SKAP2: variants seen among roughly 807,000 people sequenced by gnomAD.
The protein encoded by SKAP2 is src kinase-associated phosphoprotein 2.
In SKAP2, 28 loss-of-function variants were observed where a neutral mutation model predicts 54.9. That is an observed-to-expected ratio of 0.51 (90% CI 0.38 to 0.70). SKAP2 has a LOEUF of 0.70. SKAP2 is among the 30% of genes least tolerant of loss of function. The pLI is 0.00. For missense variants in SKAP2, 356 were observed against 424.1 expected (o/e 0.84, Z 1.41); for synonymous variants, 137 against 134.3 (o/e 1.02, Z -0.14).
intron 4 of SKAP2, among the ~76,000 whole-genome samples, chr7:26,814,426 A>C (rs1784221952): frequency 6.6e-6 from 1 of 152,090 alleles, no homozygotes; most frequent in African/African-American, 2.4e-5. Context: ...ATCACAACCA[A>C]ATCACAGCAA....
intron 4 of SKAP2, among the ~76,000 whole-genome samples, chr7:26,766,397 T>C (rs1216946418): frequency 6.6e-6 from 1 of 152,220 alleles, no homozygotes; most frequent in Non-Finnish European, 1.5e-5. Flanking sequence ...TTTCTAAATA[T>C]ACAATCATGT....
intron 4 of SKAP2, among the ~76,000 whole-genome samples, chr7:26,817,225 G>C (rs1784284044): frequency 1.3e-5 from 2 of 152,070 alleles, no homozygotes; most frequent in African/African-American, 4.8e-5. Context: ...AGTACAGCTA[G>C]TTCACAGGAG....
chr7:26,685,856 A>G (rs1229097066), intron 10 of SKAP2, among the ~76,000 whole-genome samples: 3 of 152,182 alleles, frequency 2.0e-5, no homozygotes, highest in East Asian at 3.8e-4. Context: ...AATGCAAGTA[A>G]TATCAATAAG....
chr7:26,709,532 T>G (rs1272711647), intron 9 of SKAP2, among the ~76,000 whole-genome samples: 1 of 152,204 alleles, frequency 6.6e-6, no homozygotes, highest in African/African-American at 2.4e-5. Flanking sequence ...GTTTAAACAT[T>G]TTCCCCAAGG....
chr7:26,696,516 A>T (rs565962747), intron 9 of SKAP2, among the ~76,000 whole-genome samples: 1 of 152,174 alleles, frequency 6.6e-6, no homozygotes, highest in African/African-American at 2.4e-5. Context: ...TTCTCAGGGG[A>T]AAAAATGAAA....
chr7:26,717,471 T>C (rs941536071), intron 9 of SKAP2, among the ~76,000 whole-genome samples: 4 of 127,694 alleles, frequency 3.1e-5, no homozygotes, highest in Non-Finnish European at 4.7e-5. Context: ...GATCACATCA[T>C]TGCATTCTAG....
chr7:26,686,044 T>C (rs780847883), intron 10 of SKAP2, among the ~76,000 whole-genome samples: 8 of 152,144 alleles, frequency 5.3e-5, no homozygotes, highest in Non-Finnish European at 1.0e-4. Flanking sequence ...CCAACACAAC[T>C]AGTCAGATTA....
chr7:26,749,853 T>C (rs10281261), intron 4 of SKAP2, among the ~76,000 whole-genome samples: 123,967 of 151,580 alleles, frequency 0.82, 51,333 homozygotes, highest in African/African-American at 0.95. Context: ...ATTATCTCCA[T>C]ACTATAAGCT....
At chr7:26,759,695 A>G (rs1022959510) in intron 4 of SKAP2, among the ~76,000 whole-genome samples, 1 of 152,100 alleles carries the variant, frequency 6.6e-6, no homozygotes, top group Admixed American at 6.5e-5. Context: ...TATTAAGCTC[A>G]CCCTCCTTGG....
chr7:26,819,255 G>A (rs1784335940), intron 4 of SKAP2, among the ~76,000 whole-genome samples: 1 of 152,130 alleles, frequency 6.6e-6, no homozygotes, highest in South Asian at 2.1e-4. Context: ...AAAAGGATGA[G>A]TTCATGTCCT....
intron 9 of SKAP2, among the ~76,000 whole-genome samples, chr7:26,694,177 CTAAT>C (rs1377756293): frequency 1.3e-5 from 2 of 152,002 alleles, no homozygotes; most frequent in African/African-American, 4.8e-5. Context: ...TTGTACAATA[CTAAT>C]TAATACCTCA....
chr7:26,730,362 G>C (rs1250981067), intron 6 of SKAP2, among the ~76,000 whole-genome samples: 2 of 152,148 alleles, frequency 1.3e-5, no homozygotes, highest in Non-Finnish European at 2.9e-5. Flanking sequence ...CACTGTGAAA[G>C]ACTAATATTT....
intron 2 of SKAP2, 27 bp from the exon 3 acceptor site, chr7:26,854,189 A>C: frequency 6.6e-7 from 1 of 1,506,804 alleles, no homozygotes; most frequent in Non-Finnish European, 9.1e-7. Flanking sequence ...ATATTTTTAA[A>C]TGAGGTTGAA....
chr7:26,824,661 A>C (rs537472545), intron 4 of SKAP2, among the ~76,000 whole-genome samples: 1 of 152,240 alleles, frequency 6.6e-6, no homozygotes, highest in Non-Finnish European at 1.5e-5. Context: ...GTCAGACTAG[A>C]AATATTCCAG....
chr7:26,838,327 C>G (rs1249731009), intron 4 of SKAP2, among the ~76,000 whole-genome samples: 1 of 152,080 alleles, frequency 6.6e-6, no homozygotes, highest in African/African-American at 2.4e-5. Context: ...CACCTCTGGT[C>G]GTCACCCATA....
At chr7:26,801,488 G>A (rs1783913825) in intron 4 of SKAP2, among the ~76,000 whole-genome samples, 1 of 152,116 alleles carries the variant, frequency 6.6e-6, no homozygotes, top group South Asian at 2.1e-4. Flanking sequence ...ATTCAACACA[G>A]TACTGGAAGT....
chr7:26,850,056 A>G (rs1328832448), intron 3 of SKAP2, among the ~76,000 whole-genome samples: 1 of 152,210 alleles, frequency 6.6e-6, no homozygotes. Flanking sequence ...TAATATATAC[A>G]GTATTAGAAA....
intron 9 of SKAP2, among the ~76,000 whole-genome samples, chr7:26,706,905 G>C (rs1291531587): frequency 1.3e-5 from 2 of 152,140 alleles, no homozygotes; most frequent in Non-Finnish European, 2.9e-5. Flanking sequence ...GGTCTGGATG[G>C]ATCTCTATTT....
chr7:26,735,282 T>C (rs1023966161), intron 6 of SKAP2, among the ~76,000 whole-genome samples: 1 of 152,154 alleles, frequency 6.6e-6, no homozygotes, highest in African/African-American at 2.4e-5. Context: ...TCTGAACATC[T>C]AGGACCTAAG....
Sources: gnomAD v4.1 joint callset for allele counts (sites outside exome capture counted in the v4.1 genomes callset) on GRCh38, gnomAD v4.1.1 for gene constraint, MANE v1.5 for transcripts, NCBI Gene and HGNC (gene_info 2026-07-23, HGNC 2026-07-21) for gene names.